SI: variants seen among roughly 807,000 people sequenced by gnomAD.
SI encodes the protein sucrase-isomaltase, intestinal.
SI carries 235 observed loss-of-function variants against 253.3 expected under a neutral mutation model. The ratio of observed to expected loss-of-function variants is 0.93; its 90% CI spans 0.83 to 1.03. The LOEUF (loss-of-function observed/expected upper bound fraction) is 1.03. Among genes scored for constraint, SI ranks in the 50% least tolerant of loss-of-function variants. The probability of loss-of-function intolerance (pLI) is 0.00; values close to 1 mark genes in which losing one functional copy is unlikely to be tolerated. For synonymous variants in SI, 819 were observed against 712.0 expected, an observed-to-expected ratio of 1.15 and a Z score of -2.39; for missense variants, 2,442 against 2,211.1, an observed-to-expected ratio of 1.10 and a Z score of -2.09.
the SI span, among the ~76,000 whole-genome samples, chr3:165,086,681 G>C: frequency 6.6e-6 from 1 of 152,162 alleles, no homozygotes; most frequent in Admixed American, 6.6e-5. Context: ...TGGAGTTACA[G>C]TAAAACTATT....
chr3:165,030,735 G>T lies in SI; in HGVS notation c.2869C>A (p.Gln957Lys). The T allele has an allele frequency of 6.2e-7, 1 of 1,608,898 alleles. No homozygotes were observed. The highest frequency in any genetic ancestry group is 8.5e-7 in the Non-Finnish European group (1 of 1,176,726). The part of the protein sequence containing the change: ...ADLATEQKCT[Q>K]RGCVWRTGSS... Reference sequence around the variant, plus strand: ...ACCGTTCTCCATACACAGCCACGTTGTGTGCACTTTTGTTCAGTTGCCAAA... The same window carrying T: ...ACCGTTCTCCATACACAGCCACGTTTTGTGCACTTTTGTTCAGTTGCCAAA... The change falls in exon 25 of 48, where the codon CAA becomes AAA. Residue 957 changes from glutamine to lysine, a missense_variant. By Grantham distance (53) the Gln-to-Lys change is moderately conservative. Transcript: ENST00000264382.
chr3:165,022,453 A>C (rs940639018), intron 26 of SI, among the ~76,000 whole-genome samples: 3 of 149,952 alleles, frequency 2.0e-5, no homozygotes, highest in Non-Finnish European at 3.0e-5. Context: ...TTTTTATATA[A>C]ATTTTTAAAT....
In SI at chr3:165,023,591, T is replaced by C. The variant is rs367797391; in HGVS notation, c.3078A>G (p.Lys1026=). The C allele has an allele frequency of 2.6e-5, 42 of 1,610,216 alleles. No individual in the cohort carries two copies. Among genetic ancestry groups the C allele is most frequent in the Non-Finnish European group, 3.5e-5 (41 of 1,177,520 alleles). ...ATACCTTAAACTGCAACATATCATTTTTGTGATATTTCACCTCCACACGAA... is the reference window on the plus strand; with the variant it reads ...ATACCTTAAACTGCAACATATCATTCTTGTGATATTTCACCTCCACACGAA... ...STLRVEVKYH[K]NDMLQFKIYD... The change falls in exon 26 of 48, where the codon AAA becomes AAG. Residue 1026 remains lysine (K), a synonymous_variant. Coordinates refer to ENST00000264382, the MANE Select transcript of SI (RefSeq NM_001041.4).
rs201372251 is a variant in SI, at chr3:164,979,424, G to A, written c.5422C>T (p.Arg1808Cys). 32 of 1,517,222 alleles carry A rather than the reference G, an allele frequency of 2.1e-5. No individual in the cohort carries two copies. The highest frequency in any genetic ancestry group is 1.7e-4 in the Middle Eastern group (1 of 5,888). 94.0% of individuals were successfully genotyped at this position (1,517,222 alleles called of 1,614,324 possible). ...ACATTGTGTGTGGTCAGATCAATAC[G>A]TAATATCTAAAAAAGTAAAATAATA... ...FNEDTTNMIL[R>C]IDLTTHNVTL... The change falls in exon 48 of 48, where the codon CGT (arginine) becomes TGT (cysteine). Residue 1808 changes from arginine (R) to cysteine (C), a missense_variant. Physicochemically the swap from Arg to Cys is radical, Grantham distance 180. Coordinates refer to ENST00000264382, the MANE Select transcript of SI (RefSeq NM_001041.4).
chr3:164,985,635 G>T (rs184584372), intron 45 of SI, among the ~76,000 whole-genome samples: 1 of 151,922 alleles, frequency 6.6e-6, no homozygotes, highest in Non-Finnish European at 1.5e-5. Flanking sequence ...TATTATCTTC[G>T]GATAAGTTAT....
intron 45 of SI, among the ~76,000 whole-genome samples, chr3:164,985,741 T>C (rs1717404546): frequency 6.6e-6 from 1 of 152,170 alleles, no homozygotes; most frequent in Non-Finnish European, 1.5e-5. Context: ...CTAGTAGTAC[T>C]GACACTATTA....
chr3:165,010,200 C>T lies in SI; in HGVS notation c.4063-805G>A, dbSNP rs146384816. Among the ~76,000 whole-genome samples the T allele has an allele frequency of 9.1e-3, 1,381 of 151,968 alleles. 22 individuals carry two copies. The highest frequency in any genetic ancestry group is 0.031 in the African/African-American group (1,300 of 41,432). On this transcript the variant is annotated intron_variant, in intron 34 of 47. Transcript: ENST00000264382. ...TTAAGATAGAGTTTTGCTCTTGTTGCCCAGGCTGGAGTGCAATGGCACAAC... is the reference window on the plus strand; with the variant it reads ...TTAAGATAGAGTTTTGCTCTTGTTGTCCAGGCTGGAGTGCAATGGCACAAC...
intron 3 of SI, among the ~76,000 whole-genome samples, chr3:165,073,232 C>G (rs1160027551): frequency 1.0e-5 from 1 of 96,236 alleles, no homozygotes; most frequent in African/African-American, 3.6e-5. Flanking sequence ...CTCTCTGTCT[C>G]TTTCCCTCTC....
chr3:165,042,078 GC>G (rs1456899397), intron 17 of SI, among the ~76,000 whole-genome samples: 2 of 151,826 alleles, frequency 1.3e-5, no homozygotes, highest in African/African-American at 4.8e-5. Context: ...ATTTTCTCAT[GC>G]CCACTCCCTT....
chr3:165,037,138 A>C (rs1712576935), intron 21 of SI, among the ~76,000 whole-genome samples: 1 of 151,910 alleles, frequency 6.6e-6, no homozygotes, highest in Admixed American at 6.6e-5. Context: ...ATACTAGTCC[A>C]TTCCAGAATG....
chr3:164,987,224 C>T lies in SI; in HGVS notation c.5111G>A (p.Arg1704Gln), dbSNP rs771806803. 7 of 1,611,648 alleles carry T rather than the reference C, an allele frequency of 4.3e-6. No homozygotes were observed. The highest frequency in any genetic ancestry group is 2.7e-5 in the African/African-American group (2 of 74,932). Residue 1704 changes from arginine to glutamine, a missense_variant and splice_region_variant, in exon 45 of 48, where the codon CGA becomes CAA. By Grantham distance (43) the Arg-to-Gln change is conservative (BLOSUM62 1). Coordinates refer to ENST00000264382, the MANE Select transcript of SI (RefSeq NM_001041.4). ...QEPAQNTFYS[R>Q]QKHMKLIVAA... is the part of the protein sequence containing the mutation. Reference sequence around the variant, plus strand: ...AACAATGAGCTTCATGTGTTTTTGTCGACTATAAGAAAGAAATATATAATT... The same window carrying T: ...AACAATGAGCTTCATGTGTTTTTGTTGACTATAAGAAAGAAATATATAATT...
chr3:165,059,107 A>T (rs761194032), intron 11 of SI, 25 bp from the exon 12 acceptor site: 1 of 1,586,654 alleles, frequency 6.3e-7, no homozygotes. Flanking sequence ...CAGAAACTGC[A>T]AAATCTATTA....
In SI at chr3:164,994,272, C is replaced by T. The variant is rs759002363; in HGVS notation, c.4826G>A (p.Arg1609Gln). ...EIHANGGTVI[R>Q]PLLHEFFDEK... ...TTGTACTTACTCATGCAAAAGGGGT[C>T]GGATAACAGTGCCACCATTAGCATG... The change falls in exon 41 of 48, where the codon CGA becomes CAA. Residue 1609 changes from arginine (R) to glutamine (Q), a missense_variant. Physicochemically the swap from Arg to Gln is conservative, Grantham distance 43. Coordinates refer to ENST00000264382, the MANE Select transcript of SI (RefSeq NM_001041.4). 3.7e-6 allele frequency: 6 copies of T among 1,610,546 alleles called. No individual in the cohort carries two copies. Among genetic ancestry groups the T allele is most frequent in the South Asian group, 2.2e-5 (2 of 90,982 alleles).
intron 15 of SI, among the ~76,000 whole-genome samples, chr3:165,048,567 GTATA>G (rs151098561): frequency 4.1e-4 from 51 of 123,824 alleles, no homozygotes; most frequent in East Asian, 1.7e-3. Flanking sequence ...ATATATATAT[GTATA>G]TATATATATA....
chr3:165,076,682 T>A (rs1714998195), intron 1 of SI, among the ~76,000 whole-genome samples: 1 of 151,680 alleles, frequency 6.6e-6, no homozygotes. Flanking sequence ...TATACAAAAC[T>A]CTTATATCAA....
intron 9 of SI, among the ~76,000 whole-genome samples, chr3:165,060,294 C>T (rs1713922252): frequency 6.6e-6 from 1 of 151,828 alleles, no homozygotes; most frequent in African/African-American, 2.4e-5. Flanking sequence ...CAGAAAGTAG[C>T]TTTTGCCAAG....
intron 45 of SI, among the ~76,000 whole-genome samples, chr3:164,986,276 T>C (rs1717430371): frequency 6.6e-6 from 1 of 152,126 alleles, no homozygotes; most frequent in Non-Finnish European, 1.5e-5. Context: ...TAGAATTCCT[T>C]TTCCCAAAGG....
At chr3:165,081,486 T>C (rs1715321265), upstream of SI, among the ~76,000 whole-genome samples, 1 of 151,980 alleles carries the variant, frequency 6.6e-6, no homozygotes, top group South Asian at 2.1e-4. Context: ...ATCATGGACG[T>C]CTACAGTAGT....
chr3:165,018,091 T>C, intron 28 of SI, 25 bp from the exon 29 acceptor site: 2 of 1,301,284 alleles, frequency 1.5e-6, no homozygotes, highest in South Asian at 2.4e-5. Context: ...ATAAGCACAA[T>C]ATATTTTAAG....
Sources: allele counts gnomAD v4.1 joint callset (sites outside exome capture counted in the v4.1 genomes callset), GRCh38; gene constraint gnomAD v4.1.1; transcripts MANE v1.5; gene names NCBI Gene and HGNC (gene_info 2026-07-23, HGNC 2026-07-21).